Variants in ESYT2 observed in about 807,000 individuals in gnomAD.
ESYT2 encodes extended synaptotagmin 2, also known as extended synaptotagmin-2.
ESYT2 carries 54 observed loss-of-function variants against 107.2 expected under a neutral mutation model. The ratio of observed to expected loss-of-function variants is 0.50; its 90% CI spans 0.40 to 0.63. The LOEUF (loss-of-function observed/expected upper bound fraction) is 0.63, where lower values mean the gene tolerates loss of function less well. Ranked by LOEUF, ESYT2 falls within the 30% of genes least tolerant of loss-of-function variation. The pLI, the probability that ESYT2 is intolerant of heterozygous loss-of-function variation, is 0.00. For synonymous variants in ESYT2, 491 were observed against 434.1 expected, an observed-to-expected ratio of 1.13 and a Z score of -1.63; for missense variants, 1,020 against 1,094.5, an observed-to-expected ratio of 0.93 and a Z score of 0.96.
At chr7:158,793,437 T>C (rs949819363) in intron 4 of ESYT2, among the ~76,000 whole-genome samples, 1 of 152,142 alleles carries the variant, frequency 6.6e-6, no homozygotes, top group African/African-American at 2.4e-5. Context: ...CTTTAACTTC[T>C]TATTTAACAT....
chr7:158,813,887 T>C (rs1840057462), intron 1 of ESYT2, among the ~76,000 whole-genome samples: 2 of 152,134 alleles, frequency 1.3e-5, no homozygotes, highest in African/African-American at 4.8e-5. Flanking sequence ...AAATATACGT[T>C]CCTCGTCCCG....
intron 13 of ESYT2, among the ~76,000 whole-genome samples, chr7:158,754,082 C>T (rs1172887381): frequency 6.6e-6 from 1 of 152,126 alleles, no homozygotes; most frequent in Admixed American, 6.6e-5. Context: ...ACAGACTAGA[C>T]CAGGCAAGTG....
In ESYT2 at chr7:158,773,428, CCAAA is replaced by C. The variant is rs749286706; in HGVS notation, c.748-36_748-33del. ...TAAAACAAGGGCAAAATATTAAGTT[CCAAA>C]CAATTTCCAATTATTGAATCAGGTG... is the stretch of plus-strand genomic sequence containing the variant. On this transcript the variant is annotated intron_variant, in intron 6 of 22. Transcript: ENST00000275418. The C allele has an allele frequency of 2.5e-5, 40 of 1,611,368 alleles. No individual in the cohort carries two copies. In the African/African-American group the frequency reaches 3.1e-4, roughly 12 times the overall value.
chr7:158,793,639 T>C lies in ESYT2; in HGVS notation c.584+11A>G, dbSNP rs1563024152. ...TTAACCATAACACAAATATAACAAATAAAAACTTACCTAATCTGAAGGTCC... is the reference window on the plus strand; with the variant it reads ...TTAACCATAACACAAATATAACAAACAAAAACTTACCTAATCTGAAGGTCC... On this transcript the variant is annotated intron_variant, in intron 4 of 22. Transcript: ENST00000275418. 6.3e-7 allele frequency: 1 copy of C among 1,591,776 alleles called. No homozygotes were observed. Among genetic ancestry groups the C allele is most frequent in the South Asian group, 1.1e-5 (1 of 90,396 alleles).
intron 6 of ESYT2, among the ~76,000 whole-genome samples, chr7:158,784,774 C>T (rs1017853959): frequency 6.6e-6 from 1 of 152,204 alleles, no homozygotes; most frequent in African/African-American, 2.4e-5. Context: ...TCAATTTCTT[C>T]TCATAACAGA....
At position 158,829,257 on chromosome 7, in the gene ESYT2, G is replaced by A. The variant is rs1236543610; in HGVS notation, c.162C>T (p.Gly54=). 1.3e-6 allele frequency: 2 copies of A among 1,525,480 alleles called. No homozygotes were observed. The highest frequency in any genetic ancestry group is 2.0e-5 in the Admixed American group (1 of 49,942). The allele number at this position is 1,525,480 out of a possible 1,614,324, so 94.5% of individuals were successfully genotyped here. ...CCCAGCTGAAGCTGAGCCCCAGGTA[G>A]CCCAGCGCGTACACGGGCAGCAGCA... The part of the protein sequence containing the change: ...FALLLPVYAL[G]YLGLSFSWVL... Residue 54 remains glycine, a synonymous_variant, in exon 1 of 23, where the codon GGC becomes GGT. Transcript: ENST00000275418.
chr7:158,809,293 T>TG (rs1839923974), intron 1 of ESYT2, among the ~76,000 whole-genome samples: 1 of 151,680 alleles, frequency 6.6e-6, no homozygotes, highest in African/African-American at 2.4e-5. Flanking sequence ...CTGGCCAACA[T>TG]GGTGAAACCC....
intron 16 of ESYT2, 45 bp from the exon 17 acceptor site, chr7:158,743,723 C>G (rs201465565): frequency 9.5e-6 from 15 of 1,575,672 alleles, no homozygotes; most frequent in African/African-American, 2.8e-5. Context: ...AGGATCATGT[C>G]TGCAGAACCT....
intron 19 of ESYT2, among the ~76,000 whole-genome samples, chr7:158,737,616 C>T (rs546819883): frequency 6.6e-6 from 1 of 152,204 alleles, no homozygotes; most frequent in Non-Finnish European, 1.5e-5. Context: ...CCACATTCTT[C>T]GCTTGCTGAC....
chr7:158,780,257 C>T (rs1421208688), intron 6 of ESYT2, among the ~76,000 whole-genome samples: 2 of 152,220 alleles, frequency 1.3e-5, no homozygotes, highest in African/African-American at 4.8e-5. Context: ...CGCCAGGCTC[C>T]AAGCCCACTG....
intron 19 of ESYT2, among the ~76,000 whole-genome samples, chr7:158,738,432 T>C (rs1837060266): frequency 6.6e-6 from 1 of 151,842 alleles, no homozygotes; most frequent in East Asian, 1.9e-4. Flanking sequence ...CTGAATACTG[T>C]AGGCAATTGT....
Position 158,735,489 on chromosome 7 carries a change from C to G in ESYT2, c.2505+14G>C, listed in dbSNP as rs939506150. The G allele has an allele frequency of 6.2e-7, 1 of 1,603,786 alleles. No individual in the cohort carries two copies. The highest frequency in any genetic ancestry group is 8.5e-7 in the Non-Finnish European group (1 of 1,170,920). ...AAACTGCAGGAACTGGTTGAGGATT[C>G]GTTTGGCACTTACTTTGCCAAGGAG... On this transcript the variant is annotated intron_variant, in intron 21 of 22. Coordinates refer to ENST00000275418, the MANE Select transcript of ESYT2 (RefSeq NM_001367773.1).
rs201967281 is a variant in ESYT2, at chr7:158,743,632, G to C, written c.1691C>G (p.Pro564Arg). Residue 564 changes from proline to arginine, a missense_variant, in exon 17 of 23, where the codon CCC becomes CGC. Coordinates refer to ENST00000275418, the MANE Select transcript of ESYT2 (RefSeq NM_001367773.1). ...HQCSLGNLKVPLSQLLTSEDM... is the reference protein window; with the variant it reads ...HQCSLGNLKVRLSQLLTSEDM... Reference sequence around the variant, plus strand: ...CTCACTGGTGAGCAGCTGGCTGAGGGGGACCTTCAGGTTCCCCAGGGAACA... The same window carrying C: ...CTCACTGGTGAGCAGCTGGCTGAGGCGGACCTTCAGGTTCCCCAGGGAACA... 6.4e-5 allele frequency: 104 copies of C among 1,613,420 alleles called. No individual in the cohort carries two copies. The highest frequency in any genetic ancestry group is 8.4e-5 in the Non-Finnish European group (99 of 1,179,870).
chr7:158,821,856 G>A (rs978172740), intron 1 of ESYT2, among the ~76,000 whole-genome samples: 3 of 152,164 alleles, frequency 2.0e-5, no homozygotes, highest in Admixed American at 6.5e-5. Context: ...GCCACTGAAC[G>A]TAAGGCCATG....
At chr7:158,777,782 G>A (rs1838621811) in intron 6 of ESYT2, among the ~76,000 whole-genome samples, 1 of 152,174 alleles carries the variant, frequency 6.6e-6, no homozygotes, top group Non-Finnish European at 1.5e-5. Flanking sequence ...ACACAGGCAT[G>A]GTTTGTAATG....
At position 158,796,113 on chromosome 7, in the gene ESYT2, G is replaced by A. The variant is rs76082038; in HGVS notation, c.507+1829C>T. Among the ~76,000 whole-genome samples, 815 of 152,308 alleles carry A rather than the reference G, an allele frequency of 5.4e-3. 46 individuals are homozygous for A. The East Asian group carries it at 0.12, about 22-fold the overall frequency. ...GCCACATCTATCACAACCCTGAACC[G>A]CACTGCACGGGGATGTCTGTTTGCT... On this transcript the variant is annotated intron_variant, in intron 3 of 22. Coordinates refer to ENST00000275418, the MANE Select transcript of ESYT2 (RefSeq NM_001367773.1).
At chr7:158,773,855 C>G (rs1286223775) in intron 6 of ESYT2, among the ~76,000 whole-genome samples, 1 of 152,116 alleles carries the variant, frequency 6.6e-6, no homozygotes, top group African/African-American at 2.4e-5. Context: ...ATTTACATTC[C>G]CAACCAAAGT....
intron 11 of ESYT2, 76 bp downstream of exon 11, chr7:158,761,420 G>A: frequency 2.4e-6 from 3 of 1,270,412 alleles, no homozygotes; most frequent in Non-Finnish European, 3.4e-6. Context: ...GTGAAGGGGT[G>A]GTTCGTGGCT....
chr7:158,734,572 T>A, intron 21 of ESYT2, 101 bp from the exon 22 acceptor site: 3 of 1,062,764 alleles, frequency 2.8e-6, no homozygotes, highest in Non-Finnish European at 4.2e-6. Context: ...GAGGATCTCT[T>A]AAGCCCAAGA....
Sources: allele counts gnomAD v4.1 joint callset (sites outside exome capture counted in the v4.1 genomes callset), GRCh38; gene constraint gnomAD v4.1.1; transcripts MANE v1.5; gene names NCBI Gene and HGNC (gene_info 2026-07-23, HGNC 2026-07-21).